ANAPC11: variants seen among roughly 807,000 people sequenced by gnomAD.
ANAPC11 encodes anaphase promoting complex subunit 11.
Under a neutral mutation model 11.8 loss-of-function variants are expected in ANAPC11, and 5 were observed. That is an observed-to-expected ratio of 0.42 (90% CI 0.22 to 0.89). The LOEUF (loss-of-function observed/expected upper bound fraction) is 0.89, where lower values mean the gene tolerates loss of function less well. Among genes scored for constraint, ANAPC11 ranks in the 40% least tolerant of loss-of-function variants. ANAPC11 has a pLI of 0.28. For missense variants in ANAPC11, 68 were observed against 112.9 expected (o/e 0.60, Z 1.80); for synonymous variants, 45 against 41.0 (o/e 1.10, Z -0.38).
At chr17:81,890,852 G>A (rs1449161746), upstream of ANAPC11, 2 of 1,613,880 alleles carry the variant, frequency 1.2e-6, no homozygotes, top group Admixed American at 1.7e-5. Flanking sequence ...GAGCAGATCT[G>A]TGAGTCTCAG....
chr17:81,896,764 A>AG (rs1367993984), intron 3 of ANAPC11, among the ~76,000 whole-genome samples: 1 of 138,830 alleles, frequency 7.2e-6, no homozygotes, highest in Non-Finnish European at 1.5e-5. Context: ...CAGCCTCCCA[A>AG]GTAGCATACC....
intron 3 of ANAPC11, 173 bp from the exon 4 acceptor site, chr17:81,899,747 G>C (rs2039876423): frequency 2.1e-6 from 2 of 954,444 alleles, no homozygotes; most frequent in African/African-American, 3.3e-5. Flanking sequence ...CTGGGGGCGG[G>C]CTGGTCAGGA....
At chr17:81,900,378 A>G, downstream of ANAPC11, 2 of 421,244 alleles carry the variant, frequency 4.7e-6, no homozygotes, top group Non-Finnish European at 8.6e-6. Flanking sequence ...ACCCTGAGTC[A>G]TGACTGGGAG....
upstream of ANAPC11, chr17:81,891,583 G>A (rs577224507): frequency 2.3e-4 from 323 of 1,424,412 alleles, 2 homozygotes; most frequent in African/African-American, 4.4e-3. Flanking sequence ...TCGGGCATCG[G>A]CTCGAGCCCG....
chr17:81,895,940 A>G (rs1178148049), intron 3 of ANAPC11, among the ~76,000 whole-genome samples: 1 of 152,136 alleles, frequency 6.6e-6, no homozygotes, highest in African/African-American at 2.4e-5. Flanking sequence ...ATCTCAAAAA[A>G]CAAACAAAAA....
In ANAPC11 at chr17:81,894,596, C is replaced by A; in HGVS notation, c.109+10C>A. On this transcript the variant is annotated intron_variant, in intron 3 of 3. Coordinates refer to ENST00000344877, the MANE Select transcript of ANAPC11 (RefSeq NM_001002248.3). The stretch of plus-strand genomic sequence containing the variant: ...GGATGCTGCCCTGACTGTGAGTGTC[C>A]CCTCCATGCTGTCTGAGCGGCCCCG... 1 of 1,585,148 alleles carries A rather than the reference C, an allele frequency of 6.3e-7. No homozygotes were observed. Among genetic ancestry groups the A allele is most frequent in the Non-Finnish European group, 8.6e-7 (1 of 1,159,356 alleles).
At chr17:81,891,304 G>A (rs2039524296), upstream of ANAPC11, 4 of 1,132,864 alleles carry the variant, frequency 3.5e-6, no homozygotes, top group Non-Finnish European at 4.3e-6. Context: ...TCTCCGGCGC[G>A]GCCGGCCTCC....
chr17:81,894,723 T>G (rs1189672871), intron 3 of ANAPC11, 137 bp downstream of exon 3: 1 of 490,356 alleles, frequency 2.0e-6, no homozygotes, highest in Admixed American at 4.2e-5. Context: ...TTCTTTTTTT[T>G]TTTTTTTTTT....
At chr17:81,899,175 C>T (rs2039847411) in intron 3 of ANAPC11, 2 of 1,502,608 alleles carry the variant, frequency 1.3e-6, no homozygotes, top group African/African-American at 1.4e-5. Flanking sequence ...GGTTTCCAGG[C>T]TCTTGGAGAT....
rs1017004788 is a variant in ANAPC11, at chr17:81,891,743, C to T, written c.-173C>T. On this transcript the variant is annotated 5_prime_UTR_variant, in exon 1 of 4. Coordinates refer to ENST00000344877, the MANE Select transcript of ANAPC11 (RefSeq NM_001002248.3). Reference sequence around the variant, plus strand: ...GGCGCGTGCGCACTGGCGTGCGAGACTCGGCGGGCGCTGTTGAGGGAGTCG... The same window carrying T: ...GGCGCGTGCGCACTGGCGTGCGAGATTCGGCGGGCGCTGTTGAGGGAGTCG... The T allele has an allele frequency of 5.6e-5, 29 of 514,356 alleles. No individual in the cohort carries two copies. The highest frequency in any genetic ancestry group is 7.6e-5 in the Non-Finnish European group (27 of 355,284). 31.9% of individuals were successfully genotyped at this position (514,356 alleles called of 1,614,324 possible).
Position 81,894,498 on chromosome 17 carries a change from C to G in ANAPC11, c.21C>G (p.Cys7Trp). 6.2e-7 allele frequency: 1 copy of G among 1,612,808 alleles called. No individual in the cohort carries two copies. ...CTGCCATGAAGGTGAAGATTAAGTG[C>G]TGGAACGGCGTGGCCACTTGGCTCT... MKVKIK[C>W]WNGVATWLWV... The change falls in exon 3 of 4, where the codon TGC (cysteine) becomes TGG (tryptophan). Residue 7 changes from cysteine (C) to tryptophan (W), a missense_variant. By Grantham distance (215) the Cys-to-Trp change is radical (BLOSUM62 -2). Transcript: ENST00000344877.
At chr17:81,899,032 G>T (rs888091812) in intron 3 of ANAPC11, 5 of 603,670 alleles carry the variant, frequency 8.3e-6, no homozygotes, top group Non-Finnish European at 1.5e-5. Flanking sequence ...GCTGGGAGTG[G>T]GCATGCCGTG....
chr17:81,894,376 G>C (rs551562888), intron 2 of ANAPC11, 91 bp from the exon 3 acceptor site: 9 of 666,274 alleles, frequency 1.4e-5, no homozygotes, highest in African/African-American at 1.3e-4. Context: ...AGCTGGGACT[G>C]CACTGTGGCA....
chr17:81,891,284 C>T (rs1286517965), upstream of ANAPC11: 14 of 1,114,280 alleles, frequency 1.3e-5, no homozygotes, highest in South Asian at 1.6e-4. Flanking sequence ...CCCGGCTGGC[C>T]CCCTCCCACT....
In ANAPC11 at chr17:81,899,261, C is replaced by G. The variant is rs74006125; in HGVS notation, c.110-659C>G. ...TGTCAGGTCCTCTCCATGGAGAAAG[C>G]ATTTCTAGGTGTTTGGGCTGGTGCC... On this transcript the variant is annotated intron_variant, in intron 3 of 3. Transcript: ENST00000344877. The G allele has an allele frequency of 1.1e-3, 1,852 of 1,612,024 alleles. 8 individuals carry two copies. The African/African-American group carries it at 0.02, about 18-fold the overall frequency.
chr17:81,896,798 C>CTTTT (rs1156391578), intron 3 of ANAPC11, among the ~76,000 whole-genome samples: 6 of 42,910 alleles, frequency 1.4e-4, no homozygotes, highest in African/African-American at 3.0e-4. Flanking sequence ...GCCTCCTTTG[C>CTTTT]TTTTTTTTTT....
At chr17:81,891,513 T>G, upstream of ANAPC11, 11 of 1,351,406 alleles carry the variant, frequency 8.1e-6, no homozygotes, top group East Asian at 3.8e-5. Flanking sequence ...CTGGCTCCGG[T>G]TCAGTTTAAT....
At chr17:81,897,956 G>T (rs2039798724) in intron 3 of ANAPC11, among the ~76,000 whole-genome samples, 1 of 152,126 alleles carries the variant, frequency 6.6e-6, no homozygotes, top group Admixed American at 6.6e-5. Flanking sequence ...TTTTACATTG[G>T]CCCTAGCTAA....
At chr17:81,892,506 C>A (rs548194949) in intron 1 of ANAPC11, among the ~76,000 whole-genome samples, 14 of 150,834 alleles carry the variant, frequency 9.3e-5, no homozygotes, top group Non-Finnish European at 1.5e-4. Context: ...TAATGAAAAC[C>A]AGTGTGCCAT....
Sources: allele counts gnomAD v4.1 joint callset (sites outside exome capture counted in the v4.1 genomes callset), GRCh38; gene constraint gnomAD v4.1.1; transcripts MANE v1.5; gene names NCBI Gene and HGNC (gene_info 2026-07-23, HGNC 2026-07-21).